Variants in RPS6KA1 observed in about 807,000 individuals in gnomAD.
RPS6KA1 encodes ribosomal protein S6 kinase A1.
In RPS6KA1, 48 loss-of-function variants were observed where a neutral mutation model predicts 91.3. The observed-to-expected ratio is 0.53, with a 90% CI of 0.42 to 0.67. The LOEUF (loss-of-function observed/expected upper bound fraction) is 0.67. Among genes scored for constraint, RPS6KA1 ranks in the 30% least tolerant of loss-of-function variants. The pLI is 0.00. For synonymous variants in RPS6KA1, 359 were observed against 384.7 expected (o/e 0.93, Z 0.78); for missense variants, 719 against 960.5 (o/e 0.75, Z 3.32).
intron 6 of RPS6KA1, among the ~76,000 whole-genome samples, chr1:26,552,601 C>T (rs370015155): frequency 1.5e-4 from 22 of 151,112 alleles, no homozygotes; most frequent in African/African-American, 5.1e-4. Context: ...ATTCTCCTGC[C>T]TCAGCCTCCC....
In RPS6KA1 at chr1:26,561,098, G is replaced by T. The variant is rs754957882; in HGVS notation, c.1395G>T (p.Arg465=). ...DPSEEIEILL[R]YGQHPNIITL... Reference sequence around the variant, plus strand: ...CAGAAGAGATTGAGATTCTTCTGCGGTATGGCCAGCACCCCAACATCATCA... The same window carrying T: ...CAGAAGAGATTGAGATTCTTCTGCGTTATGGCCAGCACCCCAACATCATCA... The change falls in exon 16 of 22, where the codon CGG becomes CGT. Residue 465 remains arginine (R), a synonymous_variant. Coordinates refer to ENST00000374168, the MANE Select transcript of RPS6KA1 (RefSeq NM_002953.4). This position sits in a 1 kb window ranked among gnomAD's most constrained non-coding sequence, Gnocchi z 5.7. 2 of 1,614,062 alleles carry T rather than the reference G, an allele frequency of 1.2e-6. No homozygotes were observed. The highest frequency in any genetic ancestry group is 2.2e-5 in the East Asian group (1 of 44,870).
intron 14 of RPS6KA1, 111 bp from the exon 15 acceptor site, chr1:26,560,615 C>T: frequency 7.2e-7 from 1 of 1,386,448 alleles, no homozygotes; most frequent in South Asian, 1.3e-5. Flanking sequence ...TACCCCAAGT[C>T]TCCTGGCCCT....
Position 26,571,278 on chromosome 1 carries a change from T to C in RPS6KA1, c.1591-171T>C, listed in dbSNP as rs965980515. 1.6e-6 allele frequency: 1 copy of C among 631,246 alleles called. No individual in the cohort carries two copies. The highest frequency in any genetic ancestry group is 1.8e-5 in the African/African-American group (1 of 54,480). The allele number at this position is 631,246 out of a possible 1,614,324, so 39.1% of individuals were successfully genotyped here. A position where few individuals can be genotyped will look rare whatever the true frequency, so the allele number is the denominator to read the frequency against. On this transcript the variant is annotated intron_variant, in intron 17 of 21. Transcript: ENST00000374168. This position sits in a 1 kb window ranked among gnomAD's most constrained non-coding sequence, Gnocchi z 5.1. Reference sequence around the variant, plus strand: ...CCTGTAGACACCTACACAGAGTCAGTAGCAGCAGCAATAAGACCATCATTT... The same window carrying C: ...CCTGTAGACACCTACACAGAGTCAGCAGCAGCAGCAATAAGACCATCATTT...
At chr1:26,568,856 A>T (rs2076226113) in intron 17 of RPS6KA1, among the ~76,000 whole-genome samples, 1 of 152,130 alleles carries the variant, frequency 6.6e-6, no homozygotes, top group Non-Finnish European at 1.5e-5. Context: ...TTCAGGTCAG[A>T]ACTGGGTTCT....
Position 26,574,718 on chromosome 1 carries a change from G to A in RPS6KA1, c.*517G>A, listed in dbSNP as rs117144131. 8 of 327,634 alleles carry A rather than the reference G, an allele frequency of 2.4e-5. No homozygotes were observed. The East Asian group carries it at 6.9e-4, about 28-fold the overall frequency. 20.3% of individuals were successfully genotyped at this position (327,634 alleles called of 1,614,324 possible). ...CCCCAATCAGCTCCTTTTCCGTTCT[G>A]TTCTGCTGGGAGTTCTAGAACCACT... is the stretch of plus-strand genomic sequence containing the variant. On this transcript the variant is annotated 3_prime_UTR_variant, in exon 22 of 22. Transcript: ENST00000374168. The surrounding 1 kb of genome is among the most constrained non-coding windows in gnomAD (Gnocchi z 4.3).
rs1194044248 is a variant in RPS6KA1 at position 26,529,874 on chromosome 1, C to T, written c.-47C>T. 1.2e-5 allele frequency: 16 copies of T among 1,384,458 alleles called. No homozygotes were observed. Among genetic ancestry groups the T allele is most frequent in the Non-Finnish European group, 1.4e-5 (15 of 1,062,460 alleles). 85.8% of individuals were successfully genotyped at this position (1,384,458 alleles called of 1,614,324 possible). ...AGGGACCCCAGGACCCGGGAGGCGG[C>T]GCAGCCGGGGCCGCCGGAGGAGCGC... On this transcript the variant is annotated 5_prime_UTR_variant, in exon 1 of 22. Coordinates refer to ENST00000374168, the MANE Select transcript of RPS6KA1 (RefSeq NM_002953.4). The surrounding 1 kb of genome is among the most constrained non-coding windows in gnomAD (Gnocchi z 4.2).
chr1:26,533,929 G>A (rs1273328075), intron 1 of RPS6KA1, among the ~76,000 whole-genome samples: 1 of 152,084 alleles, frequency 6.6e-6, no homozygotes, highest in Non-Finnish European at 1.5e-5. Context: ...CCCCCTACCA[G>A]TCTGTTCTCC....
intron 14 of RPS6KA1, among the ~76,000 whole-genome samples, chr1:26,560,271 A>G (rs1374355279): frequency 2.0e-5 from 3 of 152,226 alleles, no homozygotes; most frequent in Non-Finnish European, 4.4e-5. Context: ...ACCATTCAGC[A>G]TTGCTACGGC....
intron 1 of RPS6KA1, 24 bp from the exon 2 acceptor site, chr1:26,536,901 C>G (rs555052170): frequency 6.2e-7 from 1 of 1,613,886 alleles, no homozygotes; most frequent in African/African-American, 1.3e-5. Context: ...ACAGTGCTCC[C>G]CCAATCTCCT....
At chr1:26,541,135 A>C (rs1429112880) in intron 2 of RPS6KA1, among the ~76,000 whole-genome samples, 1 of 151,656 alleles carries the variant, frequency 6.6e-6, no homozygotes, top group African/African-American at 2.4e-5. Context: ...GGTGGTACGC[A>C]CTTGTCCTCC....
intron 17 of RPS6KA1, among the ~76,000 whole-genome samples, chr1:26,570,630 A>G (rs991983600): frequency 2.0e-5 from 3 of 152,244 alleles, no homozygotes; most frequent in African/African-American, 7.2e-5. Context: ...AGTGTCATTC[A>G]TCCATTCATT....
In RPS6KA1 at chr1:26,571,306, G is replaced by C; in HGVS notation, c.1591-143G>C. The C allele has an allele frequency of 1.4e-6, 1 of 710,234 alleles. No homozygotes were observed. Among genetic ancestry groups the C allele is most frequent in the Admixed American group, 2.6e-5 (1 of 38,162 alleles). 44.0% of individuals were successfully genotyped at this position (710,234 alleles called of 1,614,324 possible). ...CAGCAGCAATAAGACCATCATTTCA[G>C]CCCCTTCCCCTTCTCTCGGATGCCA... On this transcript the variant is annotated intron_variant, in intron 17 of 21. Transcript: ENST00000374168. The surrounding 1 kb of genome is among the most constrained non-coding windows in gnomAD (Gnocchi z 5.1).
At position 26,571,252 on chromosome 1, in the gene RPS6KA1, A is replaced by G; in HGVS notation, c.1591-197A>G. The G allele has an allele frequency of 1.7e-6, 1 of 585,082 alleles. No individual in the cohort carries two copies. 36.2% of individuals were successfully genotyped at this position (585,082 alleles called of 1,614,324 possible). ...AGTTTTGACAGGTTAACTTAGAGCT[A>G]CCTGTAGACACCTACACAGAGTCAG... On this transcript the variant is annotated intron_variant, in intron 17 of 21. Coordinates refer to ENST00000374168, the MANE Select transcript of RPS6KA1 (RefSeq NM_002953.4). This position sits in a 1 kb window ranked among gnomAD's most constrained non-coding sequence, Gnocchi z 5.1.
At chr1:26,538,652 T>C (rs908450280) in intron 2 of RPS6KA1, among the ~76,000 whole-genome samples, 1 of 152,180 alleles carries the variant, frequency 6.6e-6, no homozygotes, top group Non-Finnish European at 1.5e-5. Flanking sequence ...TGTCCCCATT[T>C]TACAGATGAG....
intron 1 of RPS6KA1, among the ~76,000 whole-genome samples, chr1:26,532,534 T>C (rs377010152): frequency 6.6e-6 from 1 of 152,138 alleles, no homozygotes; most frequent in Non-Finnish European, 1.5e-5. Context: ...TGGCGGACTC[T>C]CCTTATCCTG....
Position 26,547,619 on chromosome 1 carries a change from C to A in RPS6KA1, c.307+349C>A. 4.0e-6 allele frequency: 1 copy of A among 249,870 alleles called. No individual in the cohort carries two copies. Among genetic ancestry groups the A allele is most frequent in the Non-Finnish European group, 8.1e-6 (1 of 122,982 alleles). The allele number at this position is 249,870 out of a possible 1,614,324, so 15.5% of individuals were successfully genotyped here. A position where few individuals can be genotyped will look rare whatever the true frequency, so the allele number is the denominator to read the frequency against. On this transcript the variant is annotated intron_variant, in intron 4 of 21. Transcript: ENST00000374168. This position sits in a 1 kb window ranked among gnomAD's most constrained non-coding sequence, Gnocchi z 4.1. ...CCTCTGTGGCCCCTAACTCAGGGGC[C>A]TGAGAGAAGGGCGTGAGTGAAGAGG...
In RPS6KA1 at chr1:26,554,284, A is replaced by T; in HGVS notation, c.613+33A>T. Reference sequence around the variant, plus strand: ...GAGGGCGCCTGCCCCCTCGGGACCCAGGGGAGGACAGGACAAGGTCATGAT... The same window carrying T: ...GAGGGCGCCTGCCCCCTCGGGACCCTGGGGAGGACAGGACAAGGTCATGAT... On this transcript the variant is annotated intron_variant, in intron 8 of 21. Coordinates refer to ENST00000374168, the MANE Select transcript of RPS6KA1 (RefSeq NM_002953.4). This position sits in a 1 kb window ranked among gnomAD's most constrained non-coding sequence, Gnocchi z 4.6. 6.4e-7 allele frequency: 1 copy of T among 1,551,316 alleles called. No homozygotes were observed. The highest frequency in any genetic ancestry group is 1.2e-5 in the South Asian group (1 of 84,084).
chr1:26,543,276 G>A (rs2075962973), intron 2 of RPS6KA1: 1 of 1,355,406 alleles, frequency 7.4e-7, no homozygotes, highest in Non-Finnish European at 1.0e-6. Context: ...ACTGGGCAAG[G>A]AATGGGTTTG....
chr1:26,537,037 G>C lies in RPS6KA1; in HGVS notation c.108+68G>C. ...ATCCTGTTTGCATGGCTTTGGAGGA[G>C]GTTGAGGGCTCCAGCCTCTAGCCCC... On this transcript the variant is annotated intron_variant, in intron 2 of 21. Coordinates refer to ENST00000374168, the MANE Select transcript of RPS6KA1 (RefSeq NM_002953.4). The C allele has an allele frequency of 5.8e-6, 9 of 1,539,962 alleles. No individual in the cohort carries two copies. In the South Asian group the frequency reaches 7.8e-5, roughly 13 times the overall value.
Sources: gnomAD v4.1 joint callset for allele counts (sites outside exome capture counted in the v4.1 genomes callset) on GRCh38, gnomAD v4.1.1 for gene constraint, Gnocchi (gnomAD v3.1) non-coding constraint, MANE v1.5 for transcripts, NCBI Gene and HGNC (gene_info 2026-07-23, HGNC 2026-07-21) for gene names.